Variants in ZNF41 observed in about 807,000 individuals in gnomAD.
The protein encoded by ZNF41 is zinc finger protein 41.
ZNF41 carries 6 observed loss-of-function variants against 9.3 expected under a neutral mutation model. The ratio of observed to expected loss-of-function variants is 0.65; its 90% confidence interval spans 0.35 to 1.28. ZNF41 has a LOEUF of 1.28. Ranked by LOEUF, ZNF41 falls within the 50% of genes most tolerant of loss-of-function variation. The probability of loss-of-function intolerance (pLI) is 0.03; values close to 1 mark genes in which losing one functional copy is unlikely to be tolerated. For synonymous variants in ZNF41, 192 were observed against 207.1 expected, an observed-to-expected ratio of 0.93 and a Z score of 0.63; for missense variants, 523 against 585.8, an observed-to-expected ratio of 0.89 and a Z score of 1.11.
intron 1 of ZNF41, among the ~76,000 whole-genome samples, chrX:47,478,962 ACCACG>A (rs1405329478): frequency 1.8e-5 from 2 of 111,202 alleles, no homozygotes; most frequent in Admixed American, 9.6e-5. Flanking sequence ...ATCATAAAAG[ACCACG>A]TTTTATGATT....
chrX:47,482,154 G>T (rs2057490603), intron 1 of ZNF41, among the ~76,000 whole-genome samples: 1 of 108,515 alleles, frequency 9.2e-6, no homozygotes, highest in South Asian at 4.1e-4. Context: ...TCACCCTAGA[G>T]ACCCTGTATC....
At chrX:47,479,923 C>T (rs2057429133) in intron 1 of ZNF41, among the ~76,000 whole-genome samples, 1 of 110,759 alleles carries the variant, frequency 9.0e-6, no homozygotes, top group African/African-American at 3.3e-5. Context: ...GGTGAAACCT[C>T]GTCTCTACTA....
At chrX:47,470,431 A>AG (rs1385251236) in intron 1 of ZNF41, among the ~76,000 whole-genome samples, 11 of 92,818 alleles carry the variant, frequency 1.2e-4, no homozygotes, top group Admixed American at 4.8e-4. Flanking sequence ...AAAAAAAAAA[A>AG]GAGAAACACG....
intron 1 of ZNF41, among the ~76,000 whole-genome samples, chrX:47,475,107 G>A (rs946476023): frequency 1.9e-5 from 2 of 104,677 alleles, no homozygotes; most frequent in African/African-American, 3.5e-5. Flanking sequence ...ATTAAAAGAA[G>A]ACAACAAAAT....
chrX:47,461,005 G>GT (rs1466991379), intron 2 of ZNF41, among the ~76,000 whole-genome samples: 3 of 111,253 alleles, frequency 2.7e-5, no homozygotes, highest in African/African-American at 9.8e-5. Flanking sequence ...TGATAAAAAG[G>GT]TTTAAAAACA....
chrX:47,456,463 G>T, intron 2 of ZNF41, 65 bp from the exon 3 acceptor site: 3 of 1,203,248 alleles, frequency 2.5e-6, no homozygotes, highest in Non-Finnish European at 3.4e-6. Flanking sequence ...AAGGTAGATA[G>T]CAAGTTGTTT....
At chrX:47,459,858 GT>G (rs2056721435) in intron 2 of ZNF41, among the ~76,000 whole-genome samples, 1 of 105,972 alleles carries the variant, frequency 9.4e-6, no homozygotes, top group Admixed American at 1.0e-4. Context: ...CAATAACATT[GT>G]TTGAACCTGG....
In ZNF41 at chrX:47,456,467, G is replaced by A. The variant is rs770015222; in HGVS notation, c.73-69C>T. On this transcript the variant is annotated intron_variant, in intron 2 of 4. Transcript: ENST00000684689. ...GGGGATGGAAGAAGGTAGATAGCAA[G>A]TTGTTTTTAATGCTTTTTACCATAA... is the stretch of plus-strand genomic sequence containing the variant. The A allele has an allele frequency of 1.0e-5, 12 of 1,198,480 alleles. No homozygotes were observed. In the African/African-American group the frequency reaches 1.2e-4, roughly 12 times the overall value.
rs2056179519 is a variant in ZNF41, at chrX:47,447,881, G to C, written c.1889C>G (p.Thr630Ser). 1 of 1,211,782 alleles carries C rather than the reference G, an allele frequency of 8.3e-7. No individual in the cohort carries two copies. The highest frequency in any genetic ancestry group is 2.2e-5 in the Admixed American group (1 of 46,026). The part of the protein sequence containing the change: ...SHFIAHHRIH[T>S]GEKPYECSDC... ...GCTGCATTCATAAGGCTTCTCTCCA[G>C]TATGGATTCTATGATGCGCAATGAA... Residue 630 changes from threonine (T) to serine (S), a missense_variant, in exon 5 of 5, where the codon ACT becomes AGT. By Grantham distance (58) the Thr-to-Ser change is moderately conservative (BLOSUM62 1). Coordinates refer to ENST00000684689, the MANE Select transcript of ZNF41 (RefSeq NM_001324144.2).
chrX:47,480,020 G>A (rs1347695324), intron 1 of ZNF41, among the ~76,000 whole-genome samples: 3 of 110,316 alleles, frequency 2.7e-5, no homozygotes, highest in South Asian at 3.9e-4. Context: ...GTTTGAACCC[G>A]GGAGGTGGAG....
rs141193124 is a variant in ZNF41 at position 47,454,031 on chromosome X, C to T, written c.295+1890G>A. ...AGGCTGCAGTAAGCCGAAATGGCAC[C>T]GTTGCATTCCAGCCTGGGTGGCAGA... On this transcript the variant is annotated intron_variant, in intron 4 of 4. Transcript: ENST00000684689. 7.5e-4 allele frequency among the ~76,000 whole-genome samples: 83 copies of T among 111,148 alleles called. No individual in the cohort carries two copies. The East Asian group carries it at 0.011, about 14-fold the overall frequency.
intron 2 of ZNF41, among the ~76,000 whole-genome samples, chrX:47,459,943 CAA>C (rs199735412): frequency 2.1e-5 from 2 of 96,177 alleles, no homozygotes; most frequent in African/African-American, 3.8e-5. Flanking sequence ...GACTCCATCT[CAA>C]AAAAAAAAAA....
At chrX:47,469,539 G>A (rs771788699) in intron 1 of ZNF41, among the ~76,000 whole-genome samples, 100 of 110,602 alleles carry the variant, frequency 9.0e-4, no homozygotes, top group African/African-American at 3.2e-3. Context: ...CAATGTAATT[G>A]GGCATTTGTA....
In ZNF41 at chrX:47,467,204, C is replaced by A. The variant is rs1163493181; in HGVS notation, c.72+206G>T. ...GTAATCAGCCACATTACACTGTCCA[C>A]TGAAACACACGGGGCTTTGGATGTG... is the stretch of plus-strand genomic sequence containing the variant. On this transcript the variant is annotated intron_variant, in intron 2 of 4. Transcript: ENST00000684689. The A allele has an allele frequency of 1.2e-5, 10 of 860,952 alleles. No homozygotes were observed. The South Asian group carries it at 1.5e-4, about 13-fold the overall frequency. The allele number at this position is 860,952 out of a possible 1,213,427, so 71.0% of individuals were successfully genotyped here.
chrX:47,457,057 G>A (rs1176269467), intron 2 of ZNF41, among the ~76,000 whole-genome samples: 1 of 111,826 alleles, frequency 8.9e-6, no homozygotes, highest in Non-Finnish European at 1.9e-5. Context: ...ATAGAGAATG[G>A]ACTGCAATTT....
chrX:47,459,291 A>C (rs748725238), intron 2 of ZNF41, among the ~76,000 whole-genome samples: 19 of 110,248 alleles, frequency 1.7e-4, no homozygotes, highest in Non-Finnish European at 3.0e-4. Flanking sequence ...CGGAGGTTGC[A>C]GTGAGCCAAG....
Position 47,463,442 on chromosome X carries a change from C to G in ZNF41, c.72+3968G>C, listed in dbSNP as rs60917030. On this transcript the variant is annotated intron_variant, in intron 2 of 4. Transcript: ENST00000684689. ...GCAAACCAGGATGGTCCTGGGAACT[C>G]TGGCTGTTTCCCAGACTCTCCAACT... is the stretch of plus-strand genomic sequence containing the variant. Among the ~76,000 whole-genome samples the G allele has an allele frequency of 5.6e-3, 620 of 111,192 alleles. 3 individuals are homozygous for G. The highest frequency in any genetic ancestry group is 0.019 in the African/African-American group (580 of 30,663).
intron 1 of ZNF41, among the ~76,000 whole-genome samples, chrX:47,468,012 C>T (rs1220865023): frequency 8.9e-6 from 1 of 111,744 alleles, no homozygotes; most frequent in Non-Finnish European, 1.9e-5. Flanking sequence ...CTGGAACATG[C>T]TCAACTCATA....
At chrX:47,477,397 G>T (rs1214763302) in intron 1 of ZNF41, among the ~76,000 whole-genome samples, 3 of 112,477 alleles carry the variant, frequency 2.7e-5, no homozygotes, top group Admixed American at 1.9e-4. Context: ...ACCCACCTCG[G>T]CCTCCCAAAG....
Sources: gnomAD v4.1 joint callset for allele counts (sites outside exome capture counted in the v4.1 genomes callset) on GRCh38, gnomAD v4.1.1 for gene constraint, MANE v1.5 for transcripts, NCBI Gene and HGNC (gene_info 2026-07-23, HGNC 2026-07-21) for gene names.